NIBAN1: variants seen among roughly 807,000 people sequenced by gnomAD.
NIBAN1 encodes the protein niban apoptosis regulator 1.
In NIBAN1, 81 loss-of-function variants were observed where a neutral mutation model predicts 75.1. That is an observed-to-expected ratio of 1.08 (90% CI 0.90 to 1.30). The LOEUF is 1.30. NIBAN1 is among the 50% of genes most tolerant of loss of function. The pLI, the probability that NIBAN1 is intolerant of heterozygous loss-of-function variation, is 0.00. For missense variants in NIBAN1, 1,133 were observed against 1,128.1 expected, an observed-to-expected ratio of 1.00 and a Z score of -0.06; for synonymous variants, 436 against 424.8, an observed-to-expected ratio of 1.03 and a Z score of -0.32.
intron 1 of NIBAN1, among the ~76,000 whole-genome samples, chr1:184,952,437 T>G (rs1410631098): frequency 6.6e-6 from 1 of 152,182 alleles, no homozygotes; most frequent in Admixed American, 6.6e-5. Flanking sequence ...ATGTGTTCCA[T>G]GACGTTTGAG....
chr1:184,860,118 G>A (rs972778848), intron 5 of NIBAN1, among the ~76,000 whole-genome samples: 9 of 152,106 alleles, frequency 5.9e-5, no homozygotes, highest in African/African-American at 2.2e-4. Flanking sequence ...ATGAACCAGA[G>A]AACTATGGTG....
chr1:184,908,149 G>A (rs372055704), intron 1 of NIBAN1, among the ~76,000 whole-genome samples: 3 of 152,156 alleles, frequency 2.0e-5, no homozygotes, highest in Non-Finnish European at 2.9e-5. Flanking sequence ...AACCTGCAGC[G>A]AAGTGTGAGA....
In NIBAN1 at chr1:184,795,224, C is replaced by T. The variant is rs1407309928; in HGVS notation, c.2540G>A (p.Gly847Asp). Residue 847 changes from glycine (G) to aspartate (D), a missense_variant, in exon 14 of 14, where the codon GGT becomes GAT. Transcript: ENST00000367511. Reference sequence around the variant, plus strand: ...CTCACTGAGGCAGATGGGGTCAGAACCTAAGGTGCAGCCCTCTTGCTGTGA... The same window carrying T: ...CTCACTGAGGCAGATGGGGTCAGAATCTAAGGTGCAGCCCTCTTGCTGTGA... ...DASQQEGCTL[G>D]SDPICLSESQ... The T allele has an allele frequency of 6.2e-7, 1 of 1,614,000 alleles. No individual in the cohort carries two copies. Among genetic ancestry groups the T allele is most frequent in the Non-Finnish European group, 8.5e-7 (1 of 1,180,038 alleles).
chr1:184,910,996 C>T (rs1438839910), intron 1 of NIBAN1, among the ~76,000 whole-genome samples: 1 of 152,052 alleles, frequency 6.6e-6, no homozygotes, highest in East Asian at 1.9e-4. Flanking sequence ...GGGCCTCCAG[C>T]TTACCAGCTG....
chr1:184,826,761 C>T (rs948394110), intron 6 of NIBAN1, among the ~76,000 whole-genome samples: 8 of 152,124 alleles, frequency 5.3e-5, no homozygotes, highest in East Asian at 1.9e-4. Flanking sequence ...GTCTTTCCCA[C>T]ACAATGTTCC....
At chr1:184,884,577 TCA>T (rs1656461525) in intron 5 of NIBAN1, 54 bp downstream of exon 5, 53 of 1,599,552 alleles carry the variant, frequency 3.3e-5, no homozygotes, top group Non-Finnish European at 4.4e-5. Flanking sequence ...CCAGAACAAC[TCA>T]GCGAGGGCTG....
chr1:184,890,171 T>G lies in NIBAN1; in HGVS notation c.370A>C (p.Lys124Gln), dbSNP rs769039059. 1.1e-5 allele frequency: 18 copies of G among 1,613,994 alleles called. No individual in the cohort carries two copies. The highest frequency in any genetic ancestry group is 1.4e-5 in the Non-Finnish European group (17 of 1,179,900). ...TATTCATCTTCTGAGGTTAACACCT[T>G]GCCACCGGCTGGAAGAATTCGACAT... ...PKCRILPAGG[K>Q]VLTSEDEYNL... is the part of the protein sequence containing the mutation. Residue 124 changes from lysine (K) to glutamine (Q), a missense_variant, in exon 4 of 14, where the codon AAG becomes CAG. Physicochemically the swap from Lys to Gln is moderately conservative, Grantham distance 53. Coordinates refer to ENST00000367511, the MANE Select transcript of NIBAN1 (RefSeq NM_052966.4).
intron 12 of NIBAN1, 31 bp from the exon 13 acceptor site, chr1:184,798,221 GA>G: frequency 1.4e-6 from 2 of 1,422,976 alleles, no homozygotes; most frequent in Non-Finnish European, 9.8e-7. Context: ...AGATAAAGAT[GA>G]AAAGGCATGA....
chr1:184,972,807 G>A lies in NIBAN1; in HGVS notation c.55+1495C>T, dbSNP rs138259517. Among the ~76,000 whole-genome samples the A allele has an allele frequency of 8.8e-3, 1,346 of 152,268 alleles. 16 individuals are homozygous for A. The highest frequency in any genetic ancestry group is 0.026 in the South Asian group (126 of 4,828). On this transcript the variant is annotated intron_variant, in intron 1 of 13. Coordinates refer to ENST00000367511, the MANE Select transcript of NIBAN1 (RefSeq NM_052966.4). ...TTGCATCAATAGCAACAAATGGCACGGCCAGGAAGTCTTCTTTAAGCATGT... is the reference window on the plus strand; with the variant it reads ...TTGCATCAATAGCAACAAATGGCACAGCCAGGAAGTCTTCTTTAAGCATGT...
At chr1:184,837,894 G>A (rs16823601) in intron 5 of NIBAN1, among the ~76,000 whole-genome samples, 3,304 of 152,040 alleles carry the variant, frequency 0.022, 87 homozygotes, top group East Asian at 0.074. Flanking sequence ...TTTAAACAGC[G>A]TATCTTTTGA....
intron 5 of NIBAN1, among the ~76,000 whole-genome samples, chr1:184,874,612 A>G (rs935715693): frequency 6.6e-6 from 1 of 152,122 alleles, no homozygotes; most frequent in Non-Finnish European, 1.5e-5. Flanking sequence ...ATATACACAC[A>G]TATACATGTG....
chr1:184,957,741 A>G (rs978390544), intron 1 of NIBAN1, among the ~76,000 whole-genome samples: 2 of 152,232 alleles, frequency 1.3e-5, no homozygotes, highest in South Asian at 2.1e-4. Context: ...AACTGAAGGC[A>G]GCCAGTTGAC....
rs553421336 is a variant in NIBAN1, at chr1:184,852,679, A to G, written c.602-20717T>C. On this transcript the variant is annotated intron_variant, in intron 5 of 13. Transcript: ENST00000367511. ...TGAAAGTACCGTCAGTTGTATTGAC[A>G]TTTGGTTGGTGCTTTCCATGATAGT... Among the ~76,000 whole-genome samples the G allele has an allele frequency of 3.9e-5, 6 of 152,300 alleles. No individual in the cohort carries two copies. In the East Asian group the frequency reaches 9.7e-4, roughly 25 times the overall value.
Position 184,795,832 on chromosome 1 carries a change from C to A in NIBAN1, c.1932G>T (p.Gly644=). The A allele has an allele frequency of 6.2e-7, 1 of 1,609,170 alleles. No homozygotes were observed. Among genetic ancestry groups the A allele is most frequent in the Non-Finnish European group, 8.5e-7 (1 of 1,177,198 alleles). Residue 644 remains glycine (G), a synonymous_variant, in exon 14 of 14, where the codon GGG becomes GGT. Transcript: ENST00000367511. ...CAGTCCCATCTGGGGGTGGGCTTGG[C>A]CCAGGGAGAGAAAGGCTTTCTCCTT... ...LAKGESLSLP[G]PSPPPDGTEQ...
rs1345330755 is a variant in NIBAN1, at chr1:184,845,778, G to A, written c.602-13816C>T. ...GCCAGTGTGTGTGCGCACCGTGCGCGAGCCGAAGCAGGGCGAGGCATTGCC... is the reference window on the plus strand; with the variant it reads ...GCCAGTGTGTGTGCGCACCGTGCGCAAGCCGAAGCAGGGCGAGGCATTGCC... On this transcript the variant is annotated intron_variant, in intron 5 of 13. Transcript: ENST00000367511. 3.5e-5 allele frequency among the ~76,000 whole-genome samples: 3 copies of A among 85,374 alleles called. 1 individual carries two copies. The highest frequency in any genetic ancestry group is 0.012 in the Middle Eastern group (2 of 168). 56.0% of individuals were successfully genotyped at this position (85,374 alleles called of 152,430 possible).
intron 6 of NIBAN1, among the ~76,000 whole-genome samples, chr1:184,826,111 A>C (rs72739606): frequency 0.077 from 11,682 of 152,196 alleles, 631 homozygotes; most frequent in Non-Finnish European, 0.12. Flanking sequence ...TGGACGAGCT[A>C]TCCAGTCCCA....
intron 11 of NIBAN1, 120 bp from the exon 12 acceptor site, chr1:184,803,812 A>G: frequency 6.6e-6 from 5 of 757,236 alleles, no homozygotes; most frequent in Non-Finnish European, 1.1e-5. Flanking sequence ...GAACTCTTGT[A>G]TTTCCAAGGC....
At chr1:184,974,134 C>G (rs1446771634) in intron 1 of NIBAN1, among the ~76,000 whole-genome samples, 168 bp downstream of exon 1, 1 of 152,060 alleles carries the variant, frequency 6.6e-6, no homozygotes, top group Non-Finnish European at 1.5e-5. Flanking sequence ...CGCGCCGGAG[C>G]GCGCCGGCTG....
intron 1 of NIBAN1, among the ~76,000 whole-genome samples, chr1:184,956,175 T>C (rs572970504): frequency 6.6e-6 from 1 of 152,236 alleles, no homozygotes; most frequent in East Asian, 1.9e-4. Flanking sequence ...ACTACAAGCA[T>C]GCGCCACTAC....
Sources: gnomAD v4.1 joint callset for allele counts (sites outside exome capture counted in the v4.1 genomes callset) on GRCh38, gnomAD v4.1.1 for gene constraint, MANE v1.5 for transcripts, NCBI Gene and HGNC (gene_info 2026-07-23, HGNC 2026-07-21) for gene names.